NRG3: variants seen among roughly 807,000 people sequenced by gnomAD.
The protein encoded by NRG3 is pro-neuregulin-3, membrane-bound isoform.
In NRG3, 31 loss-of-function variants were observed where a neutral mutation model predicts 66.9. That is an observed-to-expected ratio of 0.46 (90% CI 0.35 to 0.63). The LOEUF is 0.63. Ranked by LOEUF, NRG3 falls within the 20% of genes least tolerant of loss-of-function variation. The probability of loss-of-function intolerance (pLI) is 0.00; values close to 1 mark genes in which losing one functional copy is unlikely to be tolerated. For synonymous variants in NRG3, 393 were observed against 359.4 expected (o/e 1.09, Z -1.06); for missense variants, 910 against 878.9 (o/e 1.04, Z -0.45).
chr10:81,957,897 A>G lies in NRG3; in HGVS notation c.823+81734A>G, dbSNP rs555556634. On this transcript the variant is annotated intron_variant, in intron 1 of 8. Coordinates refer to ENST00000372141, the MANE Select transcript of NRG3 (RefSeq NM_001010848.4). ...TTAAATTAATATTTGTTCTTATTTC[A>G]TGCAGGTTTGGAGGGGAGGAAATAA... is the stretch of plus-strand genomic sequence containing the variant. Among the ~76,000 whole-genome samples the G allele has an allele frequency of 3.9e-5, 6 of 152,344 alleles. No homozygotes were observed. In the South Asian group the frequency reaches 1.2e-3, roughly 32 times the overall value.
chr10:82,606,927 T>G (rs2048003252), intron 2 of NRG3, among the ~76,000 whole-genome samples: 1 of 152,204 alleles, frequency 6.6e-6, no homozygotes, highest in Admixed American at 6.5e-5. Flanking sequence ...CCTCACTTCT[T>G]GACCAATCAG....
chr10:82,003,854 T>TA lies in NRG3; in HGVS notation c.823+127696dup, dbSNP rs575720589. On this transcript the variant is annotated intron_variant, in intron 1 of 8. Coordinates refer to ENST00000372141, the MANE Select transcript of NRG3 (RefSeq NM_001010848.4). ...CGGGGTAAAGGAAGTTGCTGTGCCTTAAAAATGACACCTTAGAGCTGGGTG... is the reference window on the plus strand; with the variant it reads ...CGGGGTAAAGGAAGTTGCTGTGCCTTAAAAAATGACACCTTAGAGCTGGGTG... Among the ~76,000 whole-genome samples, 204 of 152,100 alleles carry TA rather than the reference T, an allele frequency of 1.3e-3. 1 individual carries two copies. The highest frequency in any genetic ancestry group is 1.9e-3 in the Non-Finnish European group (132 of 67,988).
intron 1 of NRG3, among the ~76,000 whole-genome samples, chr10:81,941,638 G>T (rs1848412042): frequency 6.6e-6 from 1 of 152,078 alleles, no homozygotes; most frequent in South Asian, 2.1e-4. Context: ...AAAGAAGAAA[G>T]AAAATGAGTT....
At chr10:82,652,896 T>G (rs1182232317) in intron 2 of NRG3, among the ~76,000 whole-genome samples, 3 of 152,220 alleles carry the variant, frequency 2.0e-5, no homozygotes, top group Non-Finnish European at 4.4e-5. Context: ...TGCTGAGTTT[T>G]GGGTTATTTA....
chr10:82,891,090 T>G (rs868416289), intron 4 of NRG3, among the ~76,000 whole-genome samples: 75 of 152,030 alleles, frequency 4.9e-4, no homozygotes, highest in African/African-American at 1.8e-3. Context: ...TCTACAAGTG[T>G]GTCCTAGTTA....
intron 1 of NRG3, among the ~76,000 whole-genome samples, chr10:82,013,678 A>T (rs1016461052): frequency 6.6e-6 from 1 of 152,058 alleles, no homozygotes; most frequent in African/African-American, 2.4e-5. Context: ...CTTTTTATTG[A>T]TAGAAAATGT....
intron 2 of NRG3, among the ~76,000 whole-genome samples, chr10:82,569,406 A>T (rs1048585376): frequency 3.3e-5 from 5 of 151,714 alleles, no homozygotes; most frequent in Non-Finnish European, 4.4e-5. Flanking sequence ...ATGAGAAGGA[A>T]CTTTAACTGA....
chr10:82,430,678 T>C (rs1266270622), intron 2 of NRG3, among the ~76,000 whole-genome samples: 2 of 152,240 alleles, frequency 1.3e-5, no homozygotes, highest in Non-Finnish European at 2.9e-5. Flanking sequence ...TGTTGTTGTT[T>C]GCTTTTAGTT....
intron 1 of NRG3, among the ~76,000 whole-genome samples, chr10:82,259,945 A>G (rs1289715193): frequency 6.6e-6 from 1 of 151,982 alleles, no homozygotes; most frequent in Non-Finnish European, 1.5e-5. Context: ...TAAAAAAACA[A>G]AACAAAACTG....
intron 1 of NRG3, among the ~76,000 whole-genome samples, chr10:82,236,114 A>C (rs1389685588): frequency 6.6e-6 from 1 of 152,142 alleles, no homozygotes; most frequent in Non-Finnish European, 1.5e-5. Flanking sequence ...GTACTTTTAC[A>C]GTCAGTCGTT....
chr10:82,462,906 A>AG (rs1385295710), intron 2 of NRG3, among the ~76,000 whole-genome samples: 3 of 152,140 alleles, frequency 2.0e-5, no homozygotes, highest in Non-Finnish European at 2.9e-5. Context: ...ACTGTGGCTC[A>AG]CAGAGGTTGC....
intron 1 of NRG3, among the ~76,000 whole-genome samples, chr10:82,189,481 C>G (rs2074004911): frequency 6.6e-6 from 1 of 151,826 alleles, no homozygotes; most frequent in Non-Finnish European, 1.5e-5. Context: ...CATGAGGAAA[C>G]CTTGTCTCTA....
At chr10:81,877,726 T>G in intron 1 of NRG3, 1 of 1,353,594 alleles carries the variant, frequency 7.4e-7, no homozygotes, top group Non-Finnish European at 9.4e-7. Context: ...CAAACCAGAA[T>G]GGCAGTAGAG....
intron 2 of NRG3, among the ~76,000 whole-genome samples, chr10:82,548,170 G>A (rs2044056172): frequency 6.6e-6 from 1 of 150,392 alleles, no homozygotes; most frequent in Admixed American, 6.7e-5. Context: ...TTTTTGTCTA[G>A]TAAAATTGAC....
At chr10:81,982,193 G>T (rs1399018954) in intron 1 of NRG3, among the ~76,000 whole-genome samples, 1 of 152,162 alleles carries the variant, frequency 6.6e-6, no homozygotes, top group Non-Finnish European at 1.5e-5. Flanking sequence ...ACCCAGGTTT[G>T]TCACCTACAA....
rs188055224 is a variant in NRG3 at position 82,034,754 on chromosome 10, C to A, written c.823+158591C>A. ...CTTCATGGTTGAGCTTAAAACCCAC[C>A]CGTTCCTGCCTTGTTGATTGGTTTT... On this transcript the variant is annotated intron_variant, in intron 1 of 8. Coordinates refer to ENST00000372141, the MANE Select transcript of NRG3 (RefSeq NM_001010848.4). Among the ~76,000 whole-genome samples, 32 of 152,050 alleles carry A rather than the reference C, an allele frequency of 2.1e-4. No homozygotes were observed. In the East Asian group the frequency reaches 4.3e-3, roughly 20 times the overall value.
At chr10:81,975,208 A>G (rs78455340) in intron 1 of NRG3, among the ~76,000 whole-genome samples, 1 of 152,056 alleles carries the variant, frequency 6.6e-6, no homozygotes. Context: ...AGGATCTCAG[A>G]GACAAATAAA....
At chr10:82,098,826 C>T (rs1029808750) in intron 1 of NRG3, among the ~76,000 whole-genome samples, 17 of 152,238 alleles carry the variant, frequency 1.1e-4, no homozygotes, top group Non-Finnish European at 1.9e-4. Context: ...CGCAGTGGTG[C>T]GATCTCGGCT....
intron 2 of NRG3, among the ~76,000 whole-genome samples, chr10:82,670,721 A>G (rs1003416360): frequency 6.6e-6 from 1 of 152,152 alleles, no homozygotes; most frequent in Non-Finnish European, 1.5e-5. Context: ...GGCTCTCTTC[A>G]AGAAAAAAAA....
Sources: gnomAD v4.1 joint callset for allele counts (sites outside exome capture counted in the v4.1 genomes callset) on GRCh38, gnomAD v4.1.1 for gene constraint, MANE v1.5 for transcripts, NCBI Gene and HGNC (gene_info 2026-07-23, HGNC 2026-07-21) for gene names.